Variants in CTNNA3 observed in about 807,000 individuals in gnomAD.
CTNNA3 encodes catenin alpha-3.
In CTNNA3, 76 loss-of-function variants were observed where a neutral mutation model predicts 95.7. The observed-to-expected ratio is 0.79, with a 90% CI of 0.66 to 0.96. The LOEUF is 0.96. Among genes scored for constraint, CTNNA3 ranks in the 40% least tolerant of loss-of-function variants. The pLI, the probability that CTNNA3 is intolerant of heterozygous loss-of-function variation, is 0.00. For synonymous variants in CTNNA3, 431 were observed against 374.4 expected (o/e 1.15, Z -1.74); for missense variants, 1,191 against 1,089.8 (o/e 1.09, Z -1.31).
intron 7 of CTNNA3, among the ~76,000 whole-genome samples, chr10:66,873,147 T>G (rs1218639408): frequency 1.3e-5 from 2 of 152,188 alleles, no homozygotes; most frequent in East Asian, 3.8e-4. Context: ...AATAGTGCTG[T>G]GATGAACAGA....
chr10:66,095,029 G>T (rs1166069719), intron 14 of CTNNA3, among the ~76,000 whole-genome samples: 1 of 152,122 alleles, frequency 6.6e-6, no homozygotes, highest in Middle Eastern at 3.2e-3. Context: ...GTGCATTTAG[G>T]TTTGGAAACA....
intron 7 of CTNNA3, among the ~76,000 whole-genome samples, chr10:66,859,555 T>C (rs1360174112): frequency 6.6e-6 from 1 of 151,374 alleles, no homozygotes; most frequent in Non-Finnish European, 1.5e-5. Flanking sequence ...GGAACACTTT[T>C]ACACTGTTGG....
intron 11 of CTNNA3, among the ~76,000 whole-genome samples, chr10:66,456,045 A>C (rs1260454902): frequency 6.6e-6 from 1 of 152,192 alleles, no homozygotes; most frequent in African/African-American, 2.4e-5. Context: ...AAAAGATATC[A>C]AAGGGCCAAA....
intron 15 of CTNNA3, among the ~76,000 whole-genome samples, chr10:65,995,786 G>GGGTGGGCCTGCGCT (rs2078644236): frequency 6.6e-6 from 1 of 152,170 alleles, no homozygotes; most frequent in Non-Finnish European, 1.5e-5. Context: ...GTGATGAGCT[G>GGGTGGGCCTGCGCT]GGTGGGCCTG....
At chr10:65,958,358 T>C (rs1017447346) in intron 17 of CTNNA3, among the ~76,000 whole-genome samples, 1 of 152,132 alleles carries the variant, frequency 6.6e-6, no homozygotes, top group Non-Finnish European at 1.5e-5. Context: ...AGAAGTTTGT[T>C]ATTACCGATC....
At chr10:65,954,994 C>A (rs1466671138) in intron 17 of CTNNA3, among the ~76,000 whole-genome samples, 3 of 152,104 alleles carry the variant, frequency 2.0e-5, no homozygotes, top group African/African-American at 4.8e-5. Flanking sequence ...ACCATTTTCA[C>A]AATATTGATT....
At chr10:67,021,627 G>A (rs1853022572) in intron 7 of CTNNA3, among the ~76,000 whole-genome samples, 1 of 151,968 alleles carries the variant, frequency 6.6e-6, no homozygotes, top group Non-Finnish European at 1.5e-5. Context: ...GAATAAAATT[G>A]TATCTATACT....
intron 15 of CTNNA3, among the ~76,000 whole-genome samples, chr10:66,010,445 A>G (rs1292720570): frequency 6.6e-6 from 1 of 152,230 alleles, no homozygotes; most frequent in Non-Finnish European, 1.5e-5. Context: ...GAGGAATTCA[A>G]ATTGAAAACT....
At chr10:67,566,016 AACAC>A (rs1392331374) in intron 3 of CTNNA3, among the ~76,000 whole-genome samples, 2 of 57,202 alleles carry the variant, frequency 3.5e-5, no homozygotes, top group African/African-American at 7.2e-5. Flanking sequence ...TACACACACA[AACAC>A]ACACACACAC....
intron 5 of CTNNA3, among the ~76,000 whole-genome samples, chr10:67,250,696 A>G (rs1866075342): frequency 6.6e-6 from 1 of 152,174 alleles, no homozygotes; most frequent in Non-Finnish European, 1.5e-5. Context: ...GGCCATCTCT[A>G]TACAAATAGA....
intron 5 of CTNNA3, among the ~76,000 whole-genome samples, chr10:67,426,457 T>C (rs1359201968): frequency 6.6e-6 from 1 of 151,992 alleles, no homozygotes; most frequent in African/African-American, 2.4e-5. Flanking sequence ...TAAGTTGTAA[T>C]AGAAGAAAGA....
intron 7 of CTNNA3, among the ~76,000 whole-genome samples, chr10:66,952,890 A>G (rs1368888664): frequency 2.0e-5 from 3 of 152,076 alleles, no homozygotes; most frequent in African/African-American, 7.2e-5. Flanking sequence ...TAGCTAACCT[A>G]AGAGTCAAAA....
intron 5 of CTNNA3, among the ~76,000 whole-genome samples, chr10:67,312,661 T>G (rs1333544509): frequency 6.6e-6 from 1 of 152,228 alleles, no homozygotes; most frequent in Non-Finnish European, 1.5e-5. Context: ...ATTGATTCTG[T>G]GACAATGAAA....
intron 7 of CTNNA3, among the ~76,000 whole-genome samples, chr10:67,059,901 C>T (rs1855659880): frequency 1.3e-5 from 2 of 151,876 alleles, no homozygotes; most frequent in South Asian, 2.1e-4. Context: ...ATTTTAGGTG[C>T]CATAGGGACA....
intron 5 of CTNNA3, among the ~76,000 whole-genome samples, chr10:67,231,839 A>AGAACTACGTG (rs1865227497): frequency 6.6e-6 from 1 of 152,242 alleles, no homozygotes; most frequent in Non-Finnish European, 1.5e-5. Flanking sequence ...GCTGAAAACC[A>AGAACTACGTG]AGGCTCAAGA....
At chr10:67,253,235 T>C (rs769662366) in intron 5 of CTNNA3, among the ~76,000 whole-genome samples, 1 of 152,170 alleles carries the variant, frequency 6.6e-6, no homozygotes, top group African/African-American at 2.4e-5. Flanking sequence ...GTATACAGCA[T>C]AGATGTGCTA....
intron 5 of CTNNA3, among the ~76,000 whole-genome samples, chr10:67,430,842 C>CACACACACAT (rs1240984818): frequency 6.6e-6 from 1 of 151,388 alleles, no homozygotes; most frequent in East Asian, 1.9e-4. Flanking sequence ...CACACACACA[C>CACACACACAT]ACACACACAC....
rs146439199 is a variant in CTNNA3, at chr10:67,327,523, C to T, written c.580-107653G>A. Among the ~76,000 whole-genome samples, 474 of 152,318 alleles carry T rather than the reference C, an allele frequency of 3.1e-3. 3 individuals carry two copies. Among genetic ancestry groups the T allele is most frequent in the Middle Eastern group, 0.014 (4 of 294 alleles). On this transcript the variant is annotated intron_variant, in intron 5 of 17. Transcript: ENST00000433211. ...TGCTTAGCTCCCAACTCCTGGACTG[C>T]ATGCTGTAACTCTGGGGGACTTGTA... is the stretch of plus-strand genomic sequence containing the variant.
intron 5 of CTNNA3, among the ~76,000 whole-genome samples, chr10:67,387,303 C>T (rs1210428435): frequency 6.6e-6 from 1 of 152,134 alleles, no homozygotes; most frequent in Non-Finnish European, 1.5e-5. Flanking sequence ...TGACGGACGG[C>T]ACCTGAAAAA....
Sources: gnomAD v4.1 joint callset for allele counts (sites outside exome capture counted in the v4.1 genomes callset) on GRCh38, gnomAD v4.1.1 for gene constraint, MANE v1.5 for transcripts, NCBI Gene and HGNC (gene_info 2026-07-23, HGNC 2026-07-21) for gene names.